The following LRP1B variants were observed in gnomAD, a reference collection of about 807,000 sequenced individuals.
The protein encoded by LRP1B is low-density lipoprotein receptor-related protein 1B.
Under a neutral mutation model 556.6 loss-of-function variants are expected in LRP1B, and 217 were observed. The ratio of observed to expected loss-of-function variants is 0.39; its 90% CI spans 0.35 to 0.44. LRP1B has a LOEUF of 0.44. Ranked by LOEUF, LRP1B falls within the 20% of genes least tolerant of loss-of-function variation. The pLI, the probability that LRP1B is intolerant of heterozygous loss-of-function variation, is 1.00. For synonymous variants in LRP1B, 2,047 were observed against 1,865.8 expected (o/e 1.10, Z -2.50); for missense variants, 5,053 against 5,620.8 (o/e 0.90, Z 3.23).
At chr2:140,733,186 C>T (rs753036223) in intron 35 of LRP1B, among the ~76,000 whole-genome samples, 3 of 152,078 alleles carry the variant, frequency 2.0e-5, no homozygotes, top group Non-Finnish European at 4.4e-5. Flanking sequence ...CTGAGTAGAC[C>T]TGCAATCTTC....
chr2:141,713,039 A>G lies in LRP1B; in HGVS notation c.205+97240T>C, dbSNP rs576107737. Among the ~76,000 whole-genome samples the G allele has an allele frequency of 2.9e-4, 44 of 151,856 alleles. No individual in the cohort carries two copies. The South Asian group carries it at 8.8e-3, about 30-fold the overall frequency. Reference sequence around the variant, plus strand: ...ACAGATATTATCCTAACCTCCATTGAACATGTACAAATAAGTCCTACTGCA... The same window carrying G: ...ACAGATATTATCCTAACCTCCATTGGACATGTACAAATAAGTCCTACTGCA... On this transcript the variant is annotated intron_variant, in intron 2 of 90. Coordinates refer to ENST00000389484, the MANE Select transcript of LRP1B (RefSeq NM_018557.3).
At chr2:141,395,574 T>G (rs1690212468) in intron 3 of LRP1B, among the ~76,000 whole-genome samples, 1 of 152,136 alleles carries the variant, frequency 6.6e-6, no homozygotes, top group African/African-American at 2.4e-5. Flanking sequence ...ACTTTATATA[T>G]TCATATAAAA....
chr2:141,587,328 A>C (rs1016892843), intron 2 of LRP1B, among the ~76,000 whole-genome samples: 6 of 152,232 alleles, frequency 3.9e-5, no homozygotes, highest in African/African-American at 9.6e-5. Flanking sequence ...AGCATCATAT[A>C]GTTGAAAAAG....
intron 18 of LRP1B, among the ~76,000 whole-genome samples, chr2:140,969,141 C>T (rs1696328608): frequency 6.6e-6 from 1 of 152,120 alleles, no homozygotes; most frequent in Non-Finnish European, 1.5e-5. Flanking sequence ...GTTAAAGTCT[C>T]CCATTATTAT....
At chr2:140,888,607 T>C (rs1446314662) in intron 23 of LRP1B, among the ~76,000 whole-genome samples, 3 of 151,908 alleles carry the variant, frequency 2.0e-5, no homozygotes, top group Admixed American at 1.3e-4. Context: ...ATTTTAATAA[T>C]ACACTTGAAA....
At position 140,370,733 on chromosome 2, in the gene LRP1B, C is replaced by T. The variant is rs2105164831; in HGVS notation, c.10985G>A (p.Ser3662Asn). The T allele has an allele frequency of 1.2e-6, 2 of 1,612,798 alleles. No individual in the cohort carries two copies. The highest frequency in any genetic ancestry group is 2.2e-5 in the South Asian group (2 of 91,038). ...ACCTCTTTCACAGTTCTCTTCATCA[C>T]TGCCATCCACACAGTCATGAATTCC... ...CDGIHDCVDG[S>N]DEENCERGGN... Residue 3662 changes from serine to asparagine, a missense_variant, in exon 71 of 91, where the codon AGT becomes AAT. This residue lies in a region of LRP1B where 599 missense variants were observed against 648.4 expected (regional missense o/e 0.92). Transcript: ENST00000389484.
chr2:141,286,169 CAT>C (rs1464291194), intron 3 of LRP1B, among the ~76,000 whole-genome samples: 2 of 151,204 alleles, frequency 1.3e-5, no homozygotes, highest in Non-Finnish European at 2.9e-5. Flanking sequence ...TATTAATCAT[CAT>C]GTGTTAAATT....
chr2:140,999,315 T>G (rs1697343417), intron 15 of LRP1B, among the ~76,000 whole-genome samples: 1 of 152,072 alleles, frequency 6.6e-6, no homozygotes, highest in Non-Finnish European at 1.5e-5. Context: ...TGTGTTGATT[T>G]AACATTGTCT....
intron 1 of LRP1B, among the ~76,000 whole-genome samples, chr2:142,011,416 C>T (rs1403779678): frequency 6.6e-6 from 1 of 152,148 alleles, no homozygotes; most frequent in African/African-American, 2.4e-5. Flanking sequence ...TACAATTTCT[C>T]ACATCAGAAA....
chr2:141,618,367 G>A (rs1191402651), intron 2 of LRP1B, among the ~76,000 whole-genome samples: 1 of 152,046 alleles, frequency 6.6e-6, no homozygotes, highest in African/African-American at 2.4e-5. Context: ...TCAAACAAAT[G>A]TTTTATGACG....
intron 1 of LRP1B, among the ~76,000 whole-genome samples, chr2:141,883,914 C>G (rs572941088): frequency 6.6e-6 from 1 of 152,128 alleles, no homozygotes; most frequent in South Asian, 2.1e-4. Flanking sequence ...CAAGTTGATA[C>G]TTTTTATCTT....
chr2:140,926,054 T>C (rs1694874905), intron 20 of LRP1B, among the ~76,000 whole-genome samples: 1 of 50,862 alleles, frequency 2.0e-5, no homozygotes, highest in African/African-American at 4.2e-5. Flanking sequence ...CCTGGAGATT[T>C]TCTTTTTTTT....
intron 2 of LRP1B, among the ~76,000 whole-genome samples, chr2:141,577,541 T>C (rs1327650601): frequency 6.6e-6 from 1 of 152,216 alleles, no homozygotes; most frequent in African/African-American, 2.4e-5. Flanking sequence ...CACCGTACCA[T>C]GACACAAGTA....
intron 10 of LRP1B, among the ~76,000 whole-genome samples, chr2:141,051,311 T>C (rs1042587632): frequency 2.6e-5 from 4 of 152,022 alleles, no homozygotes; most frequent in Admixed American, 2.0e-4. Flanking sequence ...CATTCTACTA[T>C]AAAGATACAT....
intron 16 of LRP1B, 130 bp downstream of exon 16, chr2:140,993,865 T>A: frequency 1.1e-6 from 1 of 879,946 alleles, no homozygotes; most frequent in South Asian, 1.8e-5. Flanking sequence ...TGCAAAAGGA[T>A]GACTGAAAAA....
chr2:141,755,355 T>C (rs1694277855), intron 2 of LRP1B, among the ~76,000 whole-genome samples: 1 of 151,922 alleles, frequency 6.6e-6, no homozygotes, highest in African/African-American at 2.4e-5. Flanking sequence ...TTGAAAATCA[T>C]CAAAAACCTT....
At chr2:140,538,977 A>G (rs971663767) in intron 45 of LRP1B, among the ~76,000 whole-genome samples, 2 of 152,164 alleles carry the variant, frequency 1.3e-5, no homozygotes, top group Non-Finnish European at 2.9e-5. Context: ...TGTTCATTTG[A>G]TGAAATAGTA....
chr2:141,027,752 G>A (rs1040041506), intron 11 of LRP1B, among the ~76,000 whole-genome samples: 1 of 152,106 alleles, frequency 6.6e-6, no homozygotes, highest in African/African-American at 2.4e-5. Context: ...TCATTCTAAT[G>A]TGAAAATATT....
intron 10 of LRP1B, among the ~76,000 whole-genome samples, chr2:141,053,092 T>C (rs1342922191): frequency 1.3e-5 from 2 of 152,066 alleles, no homozygotes; most frequent in Admixed American, 1.3e-4. Context: ...GGTCATTTCC[T>C]AGGTATTCTT....
Sources: gnomAD v4.1 joint callset for allele counts (sites outside exome capture counted in the v4.1 genomes callset) on GRCh38, gnomAD v4.1.1 for gene constraint, gnomAD v4.1.1 regional missense constraint, MANE v1.5 for transcripts, NCBI Gene and HGNC (gene_info 2026-07-23, HGNC 2026-07-21) for gene names.